SDHAF4: variants seen among roughly 807,000 people sequenced by gnomAD.
SDHAF4 encodes the protein succinate dehydrogenase complex assembly factor 4.
SDHAF4 carries 14 observed loss-of-function variants against 14.3 expected under a neutral mutation model. The ratio of observed to expected loss-of-function variants is 0.98; its 90% CI spans 0.65 to 1.53. The LOEUF (loss-of-function observed/expected upper bound fraction) is 1.53. Ranked by LOEUF, SDHAF4 falls within the 40% of genes most tolerant of loss-of-function variation. The probability of loss-of-function intolerance (pLI) is 0.00; values close to 1 mark genes in which losing one functional copy is unlikely to be tolerated. For synonymous variants in SDHAF4, 63 were observed against 47.3 expected (o/e 1.33, Z -1.36); for missense variants, 141 against 129.3 (o/e 1.09, Z -0.44).
chr6:70,591,153 C>T (rs901746908), downstream of SDHAF4, among the ~76,000 whole-genome samples: 1 of 152,176 alleles, frequency 6.6e-6, no homozygotes. Flanking sequence ...ACAGACACAT[C>T]CAGAAACAAT....
At chr6:70,585,599 A>T (rs2128535977) in intron 2 of SDHAF4, among the ~76,000 whole-genome samples, 1 of 152,328 alleles carries the variant, frequency 6.6e-6, no homozygotes, top group South Asian at 2.1e-4. Context: ...TCAAGCTAAG[A>T]CATCCAGTGA....
intron 1 of SDHAF4, among the ~76,000 whole-genome samples, chr6:70,568,503 G>T (rs112112346): frequency 3.3e-5 from 5 of 151,902 alleles, no homozygotes; most frequent in African/African-American, 7.3e-5. Flanking sequence ...TTCAGATAAC[G>T]CTGTGTTTTG....
chr6:70,588,842 A>AATATATAGATATATATATATATAT lies in SDHAF4; in HGVS notation c.*125_*126insGATATATATATATATATATATATA. On this transcript the variant is annotated 3_prime_UTR_variant, in exon 3 of 3. Coordinates refer to ENST00000370474, the MANE Select transcript of SDHAF4 (RefSeq NM_145267.3). ...TCGTGTAGTTTGTATAATGTGTTTAAATATATATATATATGATGGCTTTGG... is the reference window on the plus strand; with the variant it reads ...TCGTGTAGTTTGTATAATGTGTTTAAATATATAGATATATATATATATATATATATATATATATGATGGCTTTGG... 1 of 339,214 alleles carries AATATATAGATATATATATATATAT rather than the reference A, an allele frequency of 2.9e-6. No individual in the cohort carries two copies. The highest frequency in any genetic ancestry group is 5.5e-6 in the Non-Finnish European group (1 of 181,986). The allele number at this position is 339,214 out of a possible 1,614,324, so 21.0% of individuals were successfully genotyped here.
chr6:70,582,051 T>G (rs1765137902), intron 2 of SDHAF4, among the ~76,000 whole-genome samples: 1 of 152,124 alleles, frequency 6.6e-6, no homozygotes, highest in South Asian at 2.1e-4. Flanking sequence ...AAGGGAGATT[T>G]CATATTTCCC....
chr6:70,588,693 G>A lies in SDHAF4; in HGVS notation c.296G>A (p.Trp99Ter), dbSNP rs1004161372. The A allele has an allele frequency of 6.2e-7, 1 of 1,606,298 alleles. No homozygotes were observed. Residue 99 changes from tryptophan (W) to a stop codon, truncating the protein, a stop_gained, in exon 3 of 3, where the codon TGG becomes TAG. Coordinates refer to ENST00000370474, the MANE Select transcript of SDHAF4 (RefSeq NM_145267.3). LOFTEE classifies it high-confidence loss of function. ...CCAGAACCTACCCGATATGGAGATT[G>A]GGAACGAAAAGGACGCTGTATTGAT... is the stretch of plus-strand genomic sequence containing the variant. ...RGPEPTRYGD[W>*]ERKGRCIDF is the part of the protein sequence containing the mutation.
intron 2 of SDHAF4, among the ~76,000 whole-genome samples, chr6:70,583,929 G>A (rs921777310): frequency 6.6e-5 from 10 of 152,160 alleles, no homozygotes; most frequent in African/African-American, 2.4e-4. Flanking sequence ...AAATGTATTT[G>A]GATAGAGGTT....
intron 1 of SDHAF4, among the ~76,000 whole-genome samples, chr6:70,567,871 G>C (rs1802122907): frequency 6.6e-6 from 1 of 152,104 alleles, no homozygotes; most frequent in African/African-American, 2.4e-5. Flanking sequence ...ATTTTTAGTA[G>C]AGACGGGGTT....
At chr6:70,572,192 A>G (rs1802190942) in intron 1 of SDHAF4, among the ~76,000 whole-genome samples, 1 of 148,240 alleles carries the variant, frequency 6.7e-6, no homozygotes, top group Non-Finnish European at 1.5e-5. Flanking sequence ...CCTCAGCCTC[A>G]TAGCTGGAAT....
chr6:70,581,165 A>G (rs1051005070), intron 2 of SDHAF4, among the ~76,000 whole-genome samples: 7 of 151,940 alleles, frequency 4.6e-5, no homozygotes, highest in African/African-American at 1.7e-4. Flanking sequence ...CCTGACCTCA[A>G]GTGACCAACC....
intron 1 of SDHAF4, among the ~76,000 whole-genome samples, chr6:70,572,058 C>CTTTTTTTTTTTT (rs66688860): frequency 1.3e-4 from 7 of 53,510 alleles, no homozygotes; most frequent in Admixed American, 6.1e-4. Flanking sequence ...CTTTTTTTGT[C>CTTTTTTTTTTTT]TTTTTTTTTT....
At chr6:70,575,106 C>T (rs1277592702) in intron 1 of SDHAF4, among the ~76,000 whole-genome samples, 3 of 152,158 alleles carry the variant, frequency 2.0e-5, no homozygotes, top group Non-Finnish European at 1.5e-5. Context: ...GGCTTTGCAC[C>T]ATGGCTTATG....
chr6:70,581,585 G>T (rs1355510959), intron 2 of SDHAF4, among the ~76,000 whole-genome samples: 1 of 152,046 alleles, frequency 6.6e-6, no homozygotes, highest in Non-Finnish European at 1.5e-5. Flanking sequence ...TTTTGTGTGT[G>T]TATGTATGTG....
chr6:70,572,000 C>T (rs1229876205), intron 1 of SDHAF4, among the ~76,000 whole-genome samples: 1 of 141,008 alleles, frequency 7.1e-6, no homozygotes, highest in Non-Finnish European at 1.6e-5. Context: ...TTTGCTTTCT[C>T]TTGTTTTTTT....
chr6:70,581,000 C>T (rs1357288460), intron 2 of SDHAF4, among the ~76,000 whole-genome samples: 1 of 152,092 alleles, frequency 6.6e-6, no homozygotes, highest in African/African-American at 2.4e-5. Flanking sequence ...GGCACACTCT[C>T]GGCTCACTGC....
the SDHAF4 span, among the ~76,000 whole-genome samples, chr6:70,596,177 G>T: frequency 6.6e-6 from 1 of 152,184 alleles, no homozygotes; most frequent in Non-Finnish European, 1.5e-5. Context: ...CCATGGAAAT[G>T]CATCACCCAG....
At chr6:70,568,901 A>G (rs1802140587) in intron 1 of SDHAF4, among the ~76,000 whole-genome samples, 1 of 150,804 alleles carries the variant, frequency 6.6e-6, no homozygotes, top group Non-Finnish European at 1.5e-5. Flanking sequence ...CTTTTCTCTG[A>G]TTAAAGAAGT....
intron 1 of SDHAF4, among the ~76,000 whole-genome samples, chr6:70,570,298 A>G (rs1352661120): frequency 4.6e-5 from 7 of 152,208 alleles, no homozygotes; most frequent in Non-Finnish European, 1.5e-5. Flanking sequence ...TATCATCTGC[A>G]AATGGTGACA....
At chr6:70,594,611 A>G in the SDHAF4 span, among the ~76,000 whole-genome samples, 1 of 152,156 alleles carries the variant, frequency 6.6e-6, no homozygotes, top group African/African-American at 2.4e-5. Flanking sequence ...CAGAACCATA[A>G]GAAATAAATA....
chr6:70,597,555 A>G, the SDHAF4 span, among the ~76,000 whole-genome samples: 1 of 152,116 alleles, frequency 6.6e-6, no homozygotes, highest in Non-Finnish European at 1.5e-5. Context: ...CCAGAAGACA[A>G]CTGACTGAAG....
Sources: gnomAD v4.1 joint callset for allele counts (sites outside exome capture counted in the v4.1 genomes callset) on GRCh38, gnomAD v4.1.1 for gene constraint, MANE v1.5 for transcripts, NCBI Gene and HGNC (gene_info 2026-07-23, HGNC 2026-07-21) for gene names.